The following VAV3 variants were observed in gnomAD, a reference collection of about 807,000 sequenced individuals.
VAV3 encodes guanine nucleotide exchange factor VAV3.
Under a neutral mutation model 131.2 loss-of-function variants are expected in VAV3, and 94 were observed. That is an observed-to-expected ratio of 0.72 (90% CI 0.61 to 0.85). The LOEUF (loss-of-function observed/expected upper bound fraction) is 0.85. Among genes scored for constraint, VAV3 ranks in the 40% least tolerant of loss-of-function variants. The probability of loss-of-function intolerance (pLI) is 0.00; values close to 1 mark genes in which losing one functional copy is unlikely to be tolerated. For synonymous variants in VAV3, 349 were observed against 342.0 expected (o/e 1.02, Z -0.22); for missense variants, 939 against 1,002.7 (o/e 0.94, Z 0.86).
chr1:107,804,119 C>T (rs1413983804), intron 2 of VAV3, among the ~76,000 whole-genome samples: 1 of 152,038 alleles, frequency 6.6e-6, no homozygotes, highest in African/African-American at 2.4e-5. Flanking sequence ...TACTTTCAGC[C>T]TACATGTGTC....
At position 107,577,835 on chromosome 1, in the gene VAV3, T is replaced by C. The variant is rs536827768; in HGVS notation, c.2351-3637A>G. Among the ~76,000 whole-genome samples, 14 of 152,312 alleles carry C rather than the reference T, an allele frequency of 9.2e-5. No homozygotes were observed. In the South Asian group the frequency reaches 2.9e-3, roughly 32 times the overall value. ...TTGGGAAAGAGAAATAATTATCTTC[T>C]TGAAGCCTATTTAAGGTTTTTGGGT... On this transcript the variant is annotated intron_variant, in intron 25 of 26. Transcript: ENST00000370056.
chr1:107,794,171 G>T (rs1002171657), intron 2 of VAV3, among the ~76,000 whole-genome samples: 7 of 152,252 alleles, frequency 4.6e-5, no homozygotes, highest in African/African-American at 9.6e-5. Flanking sequence ...AGTAGGACAT[G>T]CCACATCAAG....
intron 2 of VAV3, chr1:107,862,534 G>A (rs1404612353): frequency 6.6e-6 from 1 of 151,614 alleles, no homozygotes; most frequent in East Asian, 1.9e-4. Flanking sequence ...ACTGTTGTTT[G>A]TGTAGACAAG....
intron 2 of VAV3, among the ~76,000 whole-genome samples, chr1:107,863,011 C>A (rs1669811058): frequency 2.6e-5 from 4 of 151,890 alleles, no homozygotes; most frequent in African/African-American, 9.7e-5. Flanking sequence ...TAGGATGGCA[C>A]AATATAGCAA....
chr1:107,873,608 C>T (rs1670349544), intron 2 of VAV3, among the ~76,000 whole-genome samples: 1 of 152,154 alleles, frequency 6.6e-6, no homozygotes, highest in South Asian at 2.1e-4. Flanking sequence ...GACAAATGCG[C>T]TCCCATTTCC....
At chr1:107,946,853 C>T (rs1368681560) in intron 1 of VAV3, among the ~76,000 whole-genome samples, 1 of 152,188 alleles carries the variant, frequency 6.6e-6, no homozygotes, top group African/African-American at 2.4e-5. Flanking sequence ...ATTAATAACA[C>T]CAACCATAAT....
chr1:107,584,843 T>A (rs1297705279), intron 25 of VAV3, among the ~76,000 whole-genome samples: 1 of 152,152 alleles, frequency 6.6e-6, no homozygotes, highest in Non-Finnish European at 1.5e-5. Flanking sequence ...GCCTAGGGAT[T>A]TCAGATTATT....
chr1:107,801,724 C>T (rs551907807), intron 2 of VAV3, among the ~76,000 whole-genome samples: 1 of 152,246 alleles, frequency 6.6e-6, no homozygotes, highest in South Asian at 2.1e-4. Flanking sequence ...TTTGTTCTGA[C>T]CACAAGGCAC....
intron 1 of VAV3, among the ~76,000 whole-genome samples, chr1:107,892,617 C>A (rs200623953): frequency 6.6e-6 from 1 of 150,892 alleles, no homozygotes; most frequent in South Asian, 2.1e-4. Flanking sequence ...AAATTAGTTA[C>A]AAAAAAAAAT....
intron 2 of VAV3, chr1:107,785,659 A>C: frequency 9.0e-7 from 1 of 1,115,352 alleles, no homozygotes; most frequent in African/African-American, 1.7e-5. Context: ...GGTTGTGGAG[A>C]AAAACTTGGG....
chr1:107,588,519 C>G (rs1411714937), intron 25 of VAV3, among the ~76,000 whole-genome samples: 1 of 152,140 alleles, frequency 6.6e-6, no homozygotes, highest in African/African-American at 2.4e-5. Flanking sequence ...CATAGCACTT[C>G]CCACATGTGA....
chr1:107,952,485 TAC>T (rs373737009), intron 1 of VAV3, among the ~76,000 whole-genome samples: 5 of 94,450 alleles, frequency 5.3e-5, no homozygotes, highest in African/African-American at 7.2e-5. Flanking sequence ...TATATATATA[TAC>T]ACACATAAAT....
chr1:107,882,198 C>T (rs2101038168), intron 1 of VAV3, among the ~76,000 whole-genome samples: 1 of 152,186 alleles, frequency 6.6e-6, no homozygotes, highest in South Asian at 2.1e-4. Context: ...TCGGTGAGTG[C>T]TAATAGACCT....
intron 18 of VAV3, 29 bp from the exon 19 acceptor site, chr1:107,683,562 C>G: frequency 6.2e-7 from 1 of 1,612,208 alleles, no homozygotes; most frequent in East Asian, 2.2e-5. Context: ...CAAAGCAAAA[C>G]AAATATGTGT....
At chr1:107,740,158 G>T (rs575233296) in intron 15 of VAV3, among the ~76,000 whole-genome samples, 9 of 152,090 alleles carry the variant, frequency 5.9e-5, no homozygotes, top group Non-Finnish European at 1.2e-4. Context: ...GTGGTGTTGC[G>T]TGCCTATAAT....
At chr1:107,680,160 A>T (rs969305398) in intron 19 of VAV3, among the ~76,000 whole-genome samples, 1 of 152,068 alleles carries the variant, frequency 6.6e-6, no homozygotes, top group Non-Finnish European at 1.5e-5. Flanking sequence ...ACCCCACAAT[A>T]TATGTTTTCA....
intron 1 of VAV3, among the ~76,000 whole-genome samples, chr1:107,891,838 C>CAAAAAAAAAAAAAA (rs35693360): frequency 1.1e-4 from 3 of 27,926 alleles, no homozygotes; most frequent in African/African-American, 3.1e-4. Flanking sequence ...GACTCCGTCT[C>CAAAAAAAAAAAAAA]AAAAAAAAAA....
chr1:107,932,105 C>T (rs995645915), intron 1 of VAV3, among the ~76,000 whole-genome samples: 2 of 152,198 alleles, frequency 1.3e-5, no homozygotes, highest in Admixed American at 6.5e-5. Context: ...GTGTTTTCCC[C>T]GGCTTCAGTG....
chr1:107,850,449 T>C (rs1201884234), intron 2 of VAV3, among the ~76,000 whole-genome samples: 1 of 152,170 alleles, frequency 6.6e-6, no homozygotes, highest in Non-Finnish European at 1.5e-5. Context: ...GAAACCATCA[T>C]TATCAGCAAA....
Sources: allele counts gnomAD v4.1 joint callset (sites outside exome capture counted in the v4.1 genomes callset), GRCh38; gene constraint gnomAD v4.1.1; transcripts MANE v1.5; gene names NCBI Gene and HGNC (gene_info 2026-07-23, HGNC 2026-07-21).